Variants in HELLS observed in about 807,000 individuals in gnomAD.
The protein encoded by HELLS is lymphoid-specific helicase.
In HELLS, 32 loss-of-function variants were observed where a neutral mutation model predicts 120.0. The observed-to-expected ratio is 0.27, with a 90% confidence interval of 0.20 to 0.36. The LOEUF (loss-of-function observed/expected upper bound fraction) is 0.36, where lower values mean the gene tolerates loss of function less well. Ranked by LOEUF, HELLS falls within the 10% of genes least tolerant of loss-of-function variation. The pLI is 1.00. For missense variants in HELLS, 650 were observed against 993.4 expected, an observed-to-expected ratio of 0.65 and a Z score of 4.65; for synonymous variants, 341 against 323.4, an observed-to-expected ratio of 1.05 and a Z score of -0.58.
At chr10:94,586,453 C>G (rs1027016123) in intron 12 of HELLS, among the ~76,000 whole-genome samples, 7 of 152,132 alleles carry the variant, frequency 4.6e-5, no homozygotes, top group African/African-American at 1.7e-4. Context: ...GAAACATTTA[C>G]ATATTTTTCC....
At chr10:94,548,784 A>C (rs1327316535) in intron 2 of HELLS, among the ~76,000 whole-genome samples, 1 of 152,124 alleles carries the variant, frequency 6.6e-6, no homozygotes, top group Non-Finnish European at 1.5e-5. Context: ...ACCTGAGGTC[A>C]GGAGTTCGAG....
downstream of HELLS, among the ~76,000 whole-genome samples, chr10:94,605,769 C>T (rs1264496845): frequency 2.0e-5 from 3 of 151,368 alleles, no homozygotes; most frequent in Non-Finnish European, 4.4e-5. Context: ...TTAGTTTGGA[C>T]CACAGCCATG....
chr10:94,611,463 T>A (rs1471364423), exon 10 of HELLS: 3 of 152,196 alleles, frequency 2.0e-5, no homozygotes, highest in Admixed American at 2.0e-4. Context: ...AATTCAGTGG[T>A]AATTAGTATA....
intron 12 of HELLS, chr10:94,584,111 C>T (rs1291054132): frequency 8.8e-6 from 12 of 1,363,206 alleles, no homozygotes; most frequent in Non-Finnish European, 1.2e-5. Flanking sequence ...ACTCAAGCTT[C>T]ATACCAATTT....
chr10:94,556,344 G>A, intron 3 of HELLS, among the ~76,000 whole-genome samples: 1 of 152,078 alleles, frequency 6.6e-6, no homozygotes, highest in Non-Finnish European at 1.5e-5. Context: ...TGCACTCTTT[G>A]TCTTGTTACT....
At chr10:94,559,979 A>G (rs930599263) in intron 4 of HELLS, among the ~76,000 whole-genome samples, 6 of 152,156 alleles carry the variant, frequency 3.9e-5, no homozygotes, top group Non-Finnish European at 2.9e-5. Flanking sequence ...ACGGATTTGA[A>G]CCCAGGATTA....
intron 7 of HELLS, 82 bp downstream of exon 7, chr10:94,571,511 A>G (rs1351636163): frequency 8.7e-7 from 1 of 1,155,494 alleles, no homozygotes. Flanking sequence ...AATCAGCAGT[A>G]TACGTTCTTC....
intron 1 of HELLS, 105 bp downstream of exon 1, chr10:94,546,057 G>A: frequency 7.6e-7 from 1 of 1,323,248 alleles, no homozygotes; most frequent in Non-Finnish European, 1.1e-6. Context: ...ACCCCGGGCA[G>A]GGACTGAGGA....
At chr10:94,555,599 T>G (rs1480651128) in intron 3 of HELLS, among the ~76,000 whole-genome samples, 1 of 152,176 alleles carries the variant, frequency 6.6e-6, no homozygotes, top group African/African-American at 2.4e-5. Flanking sequence ...CTTTCTCTGG[T>G]GTTCCTCTGA....
chr10:94,579,808 T>A (rs1483630397), intron 10 of HELLS, among the ~76,000 whole-genome samples: 1 of 151,848 alleles, frequency 6.6e-6, no homozygotes, highest in Non-Finnish European at 1.5e-5. Flanking sequence ...ACTTCCAGCC[T>A]GCATTCACTT....
At chr10:94,585,145 T>C (rs1046031559) in intron 12 of HELLS, among the ~76,000 whole-genome samples, 1 of 151,958 alleles carries the variant, frequency 6.6e-6, no homozygotes, top group African/African-American at 2.4e-5. Context: ...CTAAGCTTGC[T>C]ACTTTTCTAT....
chr10:94,581,478 A>G lies in HELLS; in HGVS notation c.1185A>G (p.Ser395=). ...PLQNNLSELW[S]LLNFLLPDVF... ...AAAACAATTTATCAGAACTTTGGTC[A>G]TTGCTAAACTTTTTGTTGCCAGATG... Residue 395 remains serine, a synonymous_variant, in exon 11 of 22, where the codon TCA becomes TCG. Coordinates refer to ENST00000348459, the MANE Select transcript of HELLS (RefSeq NM_018063.5). The G allele has an allele frequency of 6.2e-7, 1 of 1,610,702 alleles. No homozygotes were observed.
intron 12 of HELLS, chr10:94,584,081 C>CATATATA (rs1845005154): frequency 7.2e-7 from 1 of 1,393,554 alleles, no homozygotes; most frequent in African/African-American, 1.4e-5. Flanking sequence ...TGATATACGT[C>CATATATA]CATATGAAAA....
In HELLS at chr10:94,601,600, C is replaced by A; in HGVS notation, c.2495C>A (p.Ser832Tyr). The stretch of plus-strand genomic sequence containing the variant: ...AAGATATTAGAAAATTCTGAAGATT[C>A]CAGTCCTGAATGTTTGTTTTAAAGT... ...IFKILENSED[S>Y]SPECLF The change falls in exon 22 of 22, where the codon TCC becomes TAC. Residue 832 changes from serine (S) to tyrosine (Y), a missense_variant. This residue lies in a region of HELLS where 90 missense variants were observed against 109.2 expected (regional missense o/e 0.82). Transcript: ENST00000348459. 1 of 1,571,558 alleles carries A rather than the reference C, an allele frequency of 6.4e-7. No homozygotes were observed. The highest frequency in any genetic ancestry group is 1.1e-5 in the South Asian group (1 of 87,700).
chr10:94,605,476 A>T (rs1360793405), downstream of HELLS, among the ~76,000 whole-genome samples: 1 of 152,062 alleles, frequency 6.6e-6, no homozygotes, highest in African/African-American at 2.4e-5. Flanking sequence ...AGGGAAATGA[A>T]TTTTTTGAGA....
chr10:94,563,798 GTTTTC>G (rs1385048849), intron 6 of HELLS, among the ~76,000 whole-genome samples: 3 of 137,436 alleles, frequency 2.2e-5, no homozygotes, highest in Admixed American at 1.5e-4. Flanking sequence ...CTTTTTGTTG[GTTTTC>G]TTTTCTTTTT....
At chr10:94,576,987 G>T (rs1304007822) in intron 10 of HELLS, 182 bp downstream of exon 10, 3 of 605,492 alleles carry the variant, frequency 5.0e-6, no homozygotes, top group Non-Finnish European at 8.8e-6. Context: ...TGGGATGAAG[G>T]CCATCATTTG....
At chr10:94,589,416 A>G (rs1845343935) in intron 13 of HELLS, among the ~76,000 whole-genome samples, 1 of 152,154 alleles carries the variant, frequency 6.6e-6, no homozygotes, top group African/African-American at 2.4e-5. Context: ...CCCGTTAGGG[A>G]TGTTCTACCT....
intron 10 of HELLS, 194 bp downstream of exon 10, chr10:94,576,999 A>G (rs1458650934): frequency 1.7e-6 from 1 of 605,396 alleles, no homozygotes; most frequent in Non-Finnish European, 2.9e-6. Context: ...CATCATTTGT[A>G]ACAATATAAT....
Sources: gnomAD v4.1 joint callset for allele counts (sites outside exome capture counted in the v4.1 genomes callset) on GRCh38, gnomAD v4.1.1 for gene constraint, gnomAD v4.1.1 regional missense constraint, MANE v1.5 for transcripts, NCBI Gene and HGNC (gene_info 2026-07-23, HGNC 2026-07-21) for gene names.